Variants in ITSN2 observed in about 807,000 individuals in gnomAD.
The protein encoded by ITSN2 is intersectin-2.
A neutral mutation model predicts 243.7 loss-of-function variants in ITSN2; 156 were observed. The observed-to-expected ratio is 0.64, with a 90% CI of 0.56 to 0.73. ITSN2 has a LOEUF of 0.73. Among genes scored for constraint, ITSN2 ranks in the 30% least tolerant of loss-of-function variants. The pLI is 0.00. For synonymous variants in ITSN2, 703 were observed against 699.9 expected (o/e 1.00, Z -0.07); for missense variants, 1,801 against 1,996.1 (o/e 0.90, Z 1.86).
chr2:24,297,066 G>A (rs566164625), intron 13 of ITSN2, among the ~76,000 whole-genome samples: 1 of 152,238 alleles, frequency 6.6e-6, no homozygotes, highest in South Asian at 2.1e-4. Context: ...TAGTGCAAGA[G>A]AGTTAAAAGT....
At chr2:24,262,759 A>G (rs1272964966) in intron 20 of ITSN2, among the ~76,000 whole-genome samples, 2 of 152,196 alleles carry the variant, frequency 1.3e-5, no homozygotes, top group Admixed American at 6.5e-5. Context: ...TACTTGCAAG[A>G]TATCTTCAAG....
At chr2:24,351,111 C>T (rs1343558271) in intron 1 of ITSN2, among the ~76,000 whole-genome samples, 1 of 152,138 alleles carries the variant, frequency 6.6e-6, no homozygotes, top group Non-Finnish European at 1.5e-5. Context: ...CCCACCTCCA[C>T]CTCCACTTGA....
intron 1 of ITSN2, among the ~76,000 whole-genome samples, chr2:24,336,924 A>G (rs1208433647): frequency 6.6e-6 from 1 of 152,164 alleles, no homozygotes; most frequent in Non-Finnish European, 1.5e-5. Context: ...ATGTGAATAA[A>G]GCAAGCAGGG....
At chr2:24,252,324 T>A in intron 25 of ITSN2, 21 bp downstream of exon 25, 1 of 1,560,086 alleles carries the variant, frequency 6.4e-7, no homozygotes, top group Non-Finnish European at 8.8e-7. Context: ...CCAGAATGGG[T>A]TGATTTTAAT....
rs1668597223 is a variant in ITSN2 at position 24,204,151 on chromosome 2, ATGGGGTCTGCACACAGCT to A, written c.4936+76_4936+93del. On this transcript the variant is annotated intron_variant, in intron 39 of 39. Coordinates refer to ENST00000355123, the MANE Select transcript of ITSN2 (RefSeq NM_006277.3). The surrounding 1 kb of genome is among the most constrained non-coding windows in gnomAD (Gnocchi z 5.1). ...GCCTGTGTCACTTCCCTGAAGTGGC[ATGGGGTCTGCACACAGCT>A]GAAGCCCCTAGATCTGGACTCCAGG... The A allele has an allele frequency of 8.0e-7, 1 of 1,245,582 alleles. No homozygotes were observed. Among genetic ancestry groups the A allele is most frequent in the African/African-American group, 1.5e-5 (1 of 66,816 alleles). The allele number at this position is 1,245,582 out of a possible 1,614,324, so 77.2% of individuals were successfully genotyped here.
chr2:24,332,303 C>T (rs1046535873), intron 1 of ITSN2, among the ~76,000 whole-genome samples: 7 of 151,950 alleles, frequency 4.6e-5, no homozygotes, highest in African/African-American at 1.5e-4. Flanking sequence ...GCCTGAAATA[C>T]CATGATTGTT....
chr2:24,313,631 C>A, intron 3 of ITSN2, 108 bp from the exon 4 acceptor site: 4 of 645,996 alleles, frequency 6.2e-6, no homozygotes, highest in Non-Finnish European at 5.2e-6. Context: ...AATTTTAATA[C>A]CAATCATTAA....
chr2:24,359,339 C>T (rs957904356), intron 1 of ITSN2, among the ~76,000 whole-genome samples: 1 of 152,196 alleles, frequency 6.6e-6, no homozygotes, highest in African/African-American at 2.4e-5. Context: ...TCACACCTTG[C>T]CTATTTCTGA....
At position 24,210,898 on chromosome 2, in the gene ITSN2, A is replaced by T. The variant is rs1304554971; in HGVS notation, c.4139T>A (p.Leu1380Gln). 1 of 1,614,208 alleles carries T rather than the reference A, an allele frequency of 6.2e-7. No individual in the cohort carries two copies. Among genetic ancestry groups the T allele is most frequent in the East Asian group, 2.2e-5 (1 of 44,876 alleles). The change falls in exon 34 of 40, where the codon CTG becomes CAG. Residue 1380 changes from leucine (L) to glutamine (Q), a missense_variant. Transcript: ENST00000355123. ...ESHADHSSLKLALERAEELCS... is the reference protein window; with the variant it reads ...ESHADHSSLKQALERAEELCS... ...CAGCTCCTCTGCCCGCTCGAGGGCC[A>T]GCTTTAGGGAGGAATGGTCTGCATG... is the stretch of plus-strand genomic sequence containing the variant.
chr2:24,352,588 G>C (rs539002053), intron 1 of ITSN2, among the ~76,000 whole-genome samples: 11 of 152,214 alleles, frequency 7.2e-5, no homozygotes, highest in Admixed American at 7.2e-4. Flanking sequence ...CTGCAATTTA[G>C]CAACCTCAGT....
chr2:24,250,527 T>A (rs947626444), intron 25 of ITSN2, among the ~76,000 whole-genome samples: 11 of 152,224 alleles, frequency 7.2e-5, no homozygotes, highest in African/African-American at 2.7e-4. Context: ...ACAGGGAATA[T>A]CTGCATAACT....
rs1295327503 is a variant in ITSN2, at chr2:24,246,889, CT to C, written c.3292del (p.Arg1098GlufsTer35). ...SGWWQGELQARGKKRQKGWFP... is the reference protein window; with the variant it reads ...SGWWQGELQAXGKKRQKGWFP... ...CCATCCTTTCTGTCGCTTTTTTCCTCTGGCCTAAAAATTAGCAAAAGAAATA... is the reference window on the plus strand; with the variant it reads ...CCATCCTTTCTGTCGCTTTTTTCCTCGGCCTAAAAATTAGCAAAAGAAATA... On this transcript the variant is annotated frameshift_variant, in exon 28 of 40. Transcript: ENST00000355123. LOFTEE classifies it high-confidence loss of function. 11 of 1,608,644 alleles carry C rather than the reference CT, an allele frequency of 6.8e-6. No homozygotes were observed. Among genetic ancestry groups the C allele is most frequent in the Non-Finnish European group, 9.3e-6 (11 of 1,176,698 alleles).
At chr2:24,280,724 T>C (rs1678665117) in intron 17 of ITSN2, among the ~76,000 whole-genome samples, 1 of 152,200 alleles carries the variant, frequency 6.6e-6, no homozygotes, top group African/African-American at 2.4e-5. Flanking sequence ...GCTCCTACCA[T>C]CCAGCAATAC....
intron 15 of ITSN2, among the ~76,000 whole-genome samples, chr2:24,287,286 T>C (rs1248366121): frequency 6.6e-6 from 1 of 152,140 alleles, no homozygotes; most frequent in Admixed American, 6.5e-5. Context: ...TTATGGCTAC[T>C]GCATAATTTA....
At chr2:24,224,694 C>A (rs963658449) in intron 29 of ITSN2, among the ~76,000 whole-genome samples, 1 of 151,638 alleles carries the variant, frequency 6.6e-6, no homozygotes, top group South Asian at 2.1e-4. Context: ...AGTGCAGCGG[C>A]GCGATCTCGG....
At chr2:24,311,570 G>A (rs1204730215) in intron 5 of ITSN2, 1 of 167,048 alleles carries the variant, frequency 6.0e-6, no homozygotes, top group African/African-American at 2.4e-5. Flanking sequence ...TCTAAGATCT[G>A]TAGTGAAGGA....
chr2:24,293,665 T>G lies in ITSN2; in HGVS notation c.1723+23A>C, dbSNP rs779775923. ...GTCATTCAGAAAAGGATAAAAGTAA[T>G]CAGACAAACCTTAGAGACTTACCAG... On this transcript the variant is annotated intron_variant, in intron 15 of 39. Coordinates refer to ENST00000355123, the MANE Select transcript of ITSN2 (RefSeq NM_006277.3). 8.8e-6 allele frequency: 7 copies of G among 794,192 alleles called. No homozygotes were observed. In the South Asian group the frequency reaches 1.2e-4, roughly 14 times the overall value. The allele number at this position is 794,192 out of a possible 1,614,324, so 49.2% of individuals were successfully genotyped here.
At chr2:24,312,697 A>G (rs1306443409) in intron 4 of ITSN2, among the ~76,000 whole-genome samples, 2 of 152,144 alleles carry the variant, frequency 1.3e-5, no homozygotes, top group Non-Finnish European at 2.9e-5. Context: ...CATCTGTCCA[A>G]ATATTTACTG....
intron 36 of ITSN2, 67 bp from the exon 37 acceptor site, chr2:24,208,386 G>A: frequency 8.6e-7 from 1 of 1,156,528 alleles, no homozygotes; most frequent in Non-Finnish European, 1.3e-6. Flanking sequence ...GAGCCCCAGA[G>A]CTCTGCACAT....
Sources: gnomAD v4.1 joint callset for allele counts (sites outside exome capture counted in the v4.1 genomes callset) on GRCh38, gnomAD v4.1.1 for gene constraint, Gnocchi (gnomAD v3.1) non-coding constraint, MANE v1.5 for transcripts, NCBI Gene and HGNC (gene_info 2026-07-23, HGNC 2026-07-21) for gene names.